The following BCAS3 variants were observed in gnomAD, a reference collection of about 807,000 sequenced individuals.
BCAS3 encodes BCAS3 microtubule associated cell migration factor.
A neutral mutation model predicts 116.1 loss-of-function variants in BCAS3; 53 were observed. The observed-to-expected ratio is 0.46, with a 90% confidence interval of 0.37 to 0.57. BCAS3 has a LOEUF of 0.57. BCAS3 is among the 20% of genes least tolerant of loss of function. BCAS3 has a pLI of 0.00. For missense variants in BCAS3, 917 were observed against 1,165.4 expected, an observed-to-expected ratio of 0.79 and a Z score of 3.10; for synonymous variants, 391 against 408.2, an observed-to-expected ratio of 0.96 and a Z score of 0.51.
chr17:60,733,723 C>T (rs543910272), intron 5 of BCAS3, among the ~76,000 whole-genome samples: 12 of 151,974 alleles, frequency 7.9e-5, no homozygotes, highest in African/African-American at 2.2e-4. Flanking sequence ...GGCATGTACC[C>T]GTGGTCCCAG....
intron 13 of BCAS3, among the ~76,000 whole-genome samples, chr17:60,940,628 A>G (rs1204327096): frequency 1.3e-5 from 2 of 152,212 alleles, no homozygotes; most frequent in Non-Finnish European, 2.9e-5. Context: ...TAATTAAGTA[A>G]TTTGTAAGTT....
intron 22 of BCAS3, among the ~76,000 whole-genome samples, chr17:61,154,771 A>C (rs1475013450): frequency 6.6e-6 from 1 of 152,146 alleles, no homozygotes; most frequent in Non-Finnish European, 1.5e-5. Flanking sequence ...TTGAGAACTA[A>C]AACGTGACTT....
chr17:60,803,424 G>A (rs571011399), intron 6 of BCAS3, among the ~76,000 whole-genome samples: 129 of 152,204 alleles, frequency 8.5e-4, no homozygotes, highest in African/African-American at 2.9e-3. Context: ...TAATTTGGGC[G>A]TCAGGTTTTT....
chr17:60,786,805 A>G (rs1337906777), intron 6 of BCAS3, among the ~76,000 whole-genome samples: 1 of 152,150 alleles, frequency 6.6e-6, no homozygotes, highest in Non-Finnish European at 1.5e-5. Context: ...TGGAAAGACC[A>G]GACTACAAAT....
intron 4 of BCAS3, among the ~76,000 whole-genome samples, chr17:60,708,031 A>G (rs1268533541): frequency 1.3e-5 from 2 of 152,106 alleles, no homozygotes; most frequent in Non-Finnish European, 2.9e-5. Context: ...GTTTTTTAGA[A>G]AAGTGTGTAA....
In BCAS3 at chr17:61,214,725, A is replaced by G. The variant is rs1193136616; in HGVS notation, c.2425+130161A>G. Among the ~76,000 whole-genome samples, 1 of 152,124 alleles carries G rather than the reference A, an allele frequency of 6.6e-6. No individual in the cohort carries two copies. The highest frequency in any genetic ancestry group is 1.9e-4 in the East Asian group (1 of 5,194). ...GAAAAAAAGAAAAAAATTCAAAAAC[A>G]TTTTTTAATGAACTATAGGGATATT... On this transcript the variant is annotated intron_variant, in intron 22 of 23. Coordinates refer to ENST00000407086, the MANE Select transcript of BCAS3 (RefSeq NM_017679.5). This position sits in a 1 kb window ranked among gnomAD's most constrained non-coding sequence, Gnocchi z 4.4.
chr17:60,732,683 A>C (rs1411656444), intron 5 of BCAS3, among the ~76,000 whole-genome samples: 1 of 152,092 alleles, frequency 6.6e-6, no homozygotes, highest in Non-Finnish European at 1.5e-5. Flanking sequence ...TACTAAAAAC[A>C]CAAAAATTAG....
At chr17:61,152,541 A>G (rs943141049) in intron 22 of BCAS3, among the ~76,000 whole-genome samples, 5 of 151,482 alleles carry the variant, frequency 3.3e-5, no homozygotes. Flanking sequence ...GAAAAGGGTT[A>G]AAACTAGGAA....
intron 14 of BCAS3, among the ~76,000 whole-genome samples, chr17:60,957,683 T>C (rs1285614848): frequency 6.6e-6 from 1 of 152,220 alleles, no homozygotes; most frequent in Non-Finnish European, 1.5e-5. Context: ...TCCTCATTCC[T>C]GTTTTCCCTG....
intron 22 of BCAS3, among the ~76,000 whole-genome samples, chr17:61,169,948 G>A (rs78986354): frequency 9.2e-5 from 14 of 152,062 alleles, no homozygotes; most frequent in Non-Finnish European, 1.6e-4. Context: ...TCCACCTCCC[G>A]GGTTCAAGCA....
Position 61,068,806 on chromosome 17 carries a change from T to C in BCAS3, c.2030-6114T>C, listed in dbSNP as rs556464056. On this transcript the variant is annotated intron_variant, in intron 19 of 23. Transcript: ENST00000407086. The surrounding 1 kb of genome is among the most constrained non-coding windows in gnomAD (Gnocchi z 4.3). The stretch of plus-strand genomic sequence containing the variant: ...AATCTCAGGGTATCATTCCTAATAT[T>C]TGAGTGGTTAGAAGCATGGAAACTT... 2.0e-5 allele frequency among the ~76,000 whole-genome samples: 3 copies of C among 152,328 alleles called. No homozygotes were observed. In the East Asian group the frequency reaches 5.8e-4, roughly 29 times the overall value.
In BCAS3 at chr17:61,084,634, TAG is replaced by T; in HGVS notation, c.2425+73_2425+74del. 7.9e-7 allele frequency: 1 copy of T among 1,265,586 alleles called. No homozygotes were observed. The highest frequency in any genetic ancestry group is 1.2e-5 in the South Asian group (1 of 81,312). 78.4% of individuals were successfully genotyped at this position (1,265,586 alleles called of 1,614,324 possible). A position where few individuals can be genotyped will look rare whatever the true frequency, so the allele number is the denominator to read the frequency against. ...TTTTAACTAATTTTCTCGCACAATG[TAG>T]AGGATGACATTTATTTGCTTTCCTC... On this transcript the variant is annotated intron_variant, in intron 22 of 23. Transcript: ENST00000407086. The surrounding 1 kb of genome is among the most constrained non-coding windows in gnomAD (Gnocchi z 5.5).
At chr17:60,699,277 C>T (rs992341593) in intron 4 of BCAS3, among the ~76,000 whole-genome samples, 7 of 152,106 alleles carry the variant, frequency 4.6e-5, no homozygotes, top group African/African-American at 1.7e-4. Context: ...TATAGTGACA[C>T]AATCTTGACT....
rs567518690 is a variant in BCAS3, at chr17:61,131,632, C to T, written c.2425+47068C>T. ...TTTCTTCCTTGAGGTCTGTGAGCCT[C>T]CAGGCCTTTGCAGCCTGTAGTGGTC... On this transcript the variant is annotated intron_variant, in intron 22 of 23. Coordinates refer to ENST00000407086, the MANE Select transcript of BCAS3 (RefSeq NM_017679.5). This position sits in a 1 kb window ranked among gnomAD's most constrained non-coding sequence, Gnocchi z 4.4. 6.6e-6 allele frequency among the ~76,000 whole-genome samples: 1 copy of T among 152,196 alleles called. No individual in the cohort carries two copies. The highest frequency in any genetic ancestry group is 2.4e-5 in the African/African-American group (1 of 41,450).
chr17:60,744,816 C>T (rs1181928892), intron 5 of BCAS3, among the ~76,000 whole-genome samples: 1 of 151,834 alleles, frequency 6.6e-6, no homozygotes, highest in Non-Finnish European at 1.5e-5. Context: ...TTTTTCCTCC[C>T]CTCACCCATT....
rs550373002 is a variant in BCAS3, at chr17:61,235,274, C to T, written c.2426-133053C>T. On this transcript the variant is annotated intron_variant, in intron 22 of 23. Coordinates refer to ENST00000407086, the MANE Select transcript of BCAS3 (RefSeq NM_017679.5). The surrounding 1 kb of genome is among the most constrained non-coding windows in gnomAD (Gnocchi z 5.0). ...AGTGGCCAGGTGAAGGCTGAAGGAC[C>T]GGATAAGTGTAGTTTCCAGAATCCT... 8.5e-5 allele frequency among the ~76,000 whole-genome samples: 13 copies of T among 152,216 alleles called. No homozygotes were observed. Among genetic ancestry groups the T allele is most frequent in the East Asian group, 3.9e-4 (2 of 5,182 alleles).
At chr17:61,000,327 C>T (rs2064151644) in intron 15 of BCAS3, among the ~76,000 whole-genome samples, 1 of 152,072 alleles carries the variant, frequency 6.6e-6, no homozygotes, top group African/African-American at 2.4e-5. Flanking sequence ...CTACTGATTA[C>T]TAAGTTAAAA....
intron 15 of BCAS3, among the ~76,000 whole-genome samples, chr17:60,992,017 G>C (rs1005614852): frequency 4.6e-5 from 7 of 152,114 alleles, no homozygotes; most frequent in Admixed American, 4.6e-4. Flanking sequence ...CATTCACTGA[G>C]GTACATTTGG....
intron 10 of BCAS3, 79 bp from the exon 11 acceptor site, chr17:60,902,541 A>G: frequency 8.5e-7 from 1 of 1,172,318 alleles, no homozygotes; most frequent in Non-Finnish European, 1.3e-6. Context: ...CACGGAAAAT[A>G]AGCTCTATCC....
Sources: allele counts gnomAD v4.1 joint callset (sites outside exome capture counted in the v4.1 genomes callset), GRCh38; gene constraint gnomAD v4.1.1; non-coding constraint Gnocchi (gnomAD v3.1); transcripts MANE v1.5; gene names NCBI Gene and HGNC (gene_info 2026-07-23, HGNC 2026-07-21).